Variants in INPP5A observed in about 807,000 individuals in gnomAD.
INPP5A encodes inositol polyphosphate-5-phosphatase A.
A neutral mutation model predicts 65.2 loss-of-function variants in INPP5A; 14 were observed. The ratio of observed to expected loss-of-function variants is 0.21; its 90% CI spans 0.14 to 0.34. The LOEUF (loss-of-function observed/expected upper bound fraction) is 0.34. Among genes scored for constraint, INPP5A ranks in the 10% least tolerant of loss-of-function variants. The pLI is 1.00. For missense variants in INPP5A, 431 were observed against 545.6 expected, an observed-to-expected ratio of 0.79 and a Z score of 2.09; for synonymous variants, 207 against 208.3, an observed-to-expected ratio of 0.99 and a Z score of 0.05.
At chr10:132,646,265 G>A (rs1429439617) in intron 3 of INPP5A, among the ~76,000 whole-genome samples, 2 of 152,222 alleles carry the variant, frequency 1.3e-5, no homozygotes, top group Non-Finnish European at 2.9e-5. Context: ...GTCTCCGTGT[G>A]TGTGTGTCTG....
chr10:132,755,143 G>A (rs1036801309), intron 11 of INPP5A, among the ~76,000 whole-genome samples: 4 of 152,134 alleles, frequency 2.6e-5, no homozygotes, highest in African/African-American at 9.7e-5. Flanking sequence ...GTCAGCATGT[G>A]TGAGCAAGCA....
chr10:132,723,424 C>G (rs931658664), intron 8 of INPP5A, among the ~76,000 whole-genome samples: 4 of 152,062 alleles, frequency 2.6e-5, no homozygotes, highest in Admixed American at 6.5e-5. Flanking sequence ...ACACCGCACA[C>G]AGATGCTTGG....
chr10:132,668,288 G>C (rs1359254517), intron 4 of INPP5A, among the ~76,000 whole-genome samples: 2 of 152,168 alleles, frequency 1.3e-5, no homozygotes, highest in Non-Finnish European at 2.9e-5. Flanking sequence ...GCCATGGGCT[G>C]ATGGCCTCGG....
rs537099598 is a variant in INPP5A at position 132,563,129 on chromosome 10, T to C, written c.75+24958T>C. Among the ~76,000 whole-genome samples the C allele has an allele frequency of 2.0e-5, 3 of 152,308 alleles. No individual in the cohort carries two copies. The South Asian group carries it at 6.2e-4, about 32-fold the overall frequency. On this transcript the variant is annotated intron_variant, in intron 1 of 15. Transcript: ENST00000368594. ...CAGATGGGGAGGGGCTGGGAGAGAC[T>C]GACATTCTGTTCAGATTCCAGGCTG...
chr10:132,625,257 C>T (rs2072167770), intron 2 of INPP5A, among the ~76,000 whole-genome samples: 1 of 150,934 alleles, frequency 6.6e-6, no homozygotes, highest in African/African-American at 2.4e-5. Context: ...TGGCTCAACC[C>T]AAGGCTTTCC....
chr10:132,650,203 C>A lies in INPP5A; in HGVS notation c.219-215C>A, dbSNP rs1831922981. 6.6e-6 allele frequency among the ~76,000 whole-genome samples: 1 copy of A among 152,192 alleles called. No individual in the cohort carries two copies. Among genetic ancestry groups the A allele is most frequent in the Non-Finnish European group, 1.5e-5 (1 of 68,022 alleles). On this transcript the variant is annotated intron_variant, in intron 3 of 15. Transcript: ENST00000368594. This position sits in a 1 kb window ranked among gnomAD's most constrained non-coding sequence, Gnocchi z 5.5. Reference sequence around the variant, plus strand: ...CTCACAGGCTGCGTGGAGACCAGAGCCTGTGGGAGCTTGAGCTCTGCACAT... The same window carrying A: ...CTCACAGGCTGCGTGGAGACCAGAGACTGTGGGAGCTTGAGCTCTGCACAT...
intron 2 of INPP5A, among the ~76,000 whole-genome samples, chr10:132,631,194 A>T (rs1158077690): frequency 6.6e-6 from 1 of 152,096 alleles, no homozygotes; most frequent in East Asian, 1.9e-4. Flanking sequence ...TGCAGGGCGG[A>T]GAGAAGAACA....
At chr10:132,606,055 A>G (rs745897355) in intron 1 of INPP5A, among the ~76,000 whole-genome samples, 1 of 152,118 alleles carries the variant, frequency 6.6e-6, no homozygotes, top group Non-Finnish European at 1.5e-5. Context: ...CGAGGTGCAC[A>G]CAGTGAACGG....
intron 5 of INPP5A, among the ~76,000 whole-genome samples, chr10:132,693,388 A>G (rs1474884779): frequency 1.3e-5 from 2 of 152,228 alleles, no homozygotes; most frequent in Non-Finnish European, 2.9e-5. Flanking sequence ...GTCAGAGTGG[A>G]TTAAAAAAAA....
intron 1 of INPP5A, among the ~76,000 whole-genome samples, chr10:132,591,634 G>T (rs1295289415): frequency 6.6e-6 from 1 of 152,252 alleles, no homozygotes; most frequent in African/African-American, 2.4e-5. Flanking sequence ...CCTGGTTGTT[G>T]TTGGTGTCTG....
rs999412708 is a variant in INPP5A at position 132,644,217 on chromosome 10, C to T, written c.118-1651C>T. Reference sequence around the variant, plus strand: ...TCTGGCCTCCTGAGTGCCCGGGGAGCCCACGCCCACGCCCAGGAGGGAGGG... The same window carrying T: ...TCTGGCCTCCTGAGTGCCCGGGGAGTCCACGCCCACGCCCAGGAGGGAGGG... On this transcript the variant is annotated intron_variant, in intron 2 of 15. Transcript: ENST00000368594. The surrounding 1 kb of genome is among the most constrained non-coding windows in gnomAD (Gnocchi z 6.5). Among the ~76,000 whole-genome samples, 2 of 152,216 alleles carry T rather than the reference C, an allele frequency of 1.3e-5. No homozygotes were observed. Among genetic ancestry groups the T allele is most frequent in the African/African-American group, 4.8e-5 (2 of 41,460 alleles).
intron 1 of INPP5A, among the ~76,000 whole-genome samples, chr10:132,586,157 C>T (rs2071542803): frequency 6.6e-6 from 1 of 151,966 alleles, no homozygotes; most frequent in African/African-American, 2.4e-5. Flanking sequence ...GCTGGACGCG[C>T]CCTGTGCTTC....
intron 6 of INPP5A, among the ~76,000 whole-genome samples, chr10:132,703,259 C>T (rs995432157): frequency 7.2e-5 from 11 of 152,098 alleles, no homozygotes; most frequent in Admixed American, 2.6e-4. Context: ...TGGGCTCTTG[C>T]GGTCGTTGTC....
chr10:132,566,720 C>A (rs767976213), intron 1 of INPP5A, among the ~76,000 whole-genome samples: 5 of 152,108 alleles, frequency 3.3e-5, no homozygotes, highest in Non-Finnish European at 5.9e-5. Context: ...ACATGTATTT[C>A]CATAATATAA....
Position 132,663,873 on chromosome 10 carries a change from G to T in INPP5A, c.306+13368G>T, listed in dbSNP as rs965178393. Among the ~76,000 whole-genome samples, 3 of 152,218 alleles carry T rather than the reference G, an allele frequency of 2.0e-5. No individual in the cohort carries two copies. Among genetic ancestry groups the T allele is most frequent in the African/African-American group, 7.2e-5 (3 of 41,460 alleles). ...CCCCCTGTCGCCGGGTGGGAAATCC[G>T]TAACAGGCTCTGTGGCAAAGGCTGG... On this transcript the variant is annotated intron_variant, in intron 4 of 15. Transcript: ENST00000368594. This position sits in a 1 kb window ranked among gnomAD's most constrained non-coding sequence, Gnocchi z 4.5.
chr10:132,732,088 G>A (rs1284516709), intron 9 of INPP5A, among the ~76,000 whole-genome samples: 1 of 152,230 alleles, frequency 6.6e-6, no homozygotes, highest in East Asian at 1.9e-4. Flanking sequence ...TCACACGCCC[G>A]GCCACCCTGG....
intron 7 of INPP5A, among the ~76,000 whole-genome samples, chr10:132,708,717 C>T (rs531084421): frequency 1.4e-4 from 21 of 152,366 alleles, no homozygotes; most frequent in Non-Finnish European, 1.3e-4. Context: ...CCCAGTGAGA[C>T]GGCGTAAGCG....
At chr10:132,702,655 C>T (rs564675379) in intron 6 of INPP5A, among the ~76,000 whole-genome samples, 181 of 152,328 alleles carry the variant, frequency 1.2e-3, no homozygotes, top group Middle Eastern at 3.4e-3. Flanking sequence ...TGTCCCGGGC[C>T]CTACTGCCTG....
In INPP5A at chr10:132,659,802, G is replaced by A. The variant is rs889879109; in HGVS notation, c.306+9297G>A. ...ACGGCTTCATGGCTGCCTGCCCTGGGAGGTGGAGCATGGAGAAGGCCAGTG... is the reference window on the plus strand; with the variant it reads ...ACGGCTTCATGGCTGCCTGCCCTGGAAGGTGGAGCATGGAGAAGGCCAGTG... On this transcript the variant is annotated intron_variant, in intron 4 of 15. Coordinates refer to ENST00000368594, the MANE Select transcript of INPP5A (RefSeq NM_005539.5). This position sits in a 1 kb window ranked among gnomAD's most constrained non-coding sequence, Gnocchi z 5.5. 1.3e-5 allele frequency among the ~76,000 whole-genome samples: 2 copies of A among 152,242 alleles called. No homozygotes were observed. Among genetic ancestry groups the A allele is most frequent in the African/African-American group, 4.8e-5 (2 of 41,464 alleles).
Sources: allele counts gnomAD v4.1 joint callset (sites outside exome capture counted in the v4.1 genomes callset), GRCh38; gene constraint gnomAD v4.1.1; non-coding constraint Gnocchi (gnomAD v3.1); transcripts MANE v1.5; gene names NCBI Gene and HGNC (gene_info 2026-07-23, HGNC 2026-07-21).